The following CUBN variants were observed in gnomAD, a reference collection of about 807,000 sequenced individuals.
The protein encoded by CUBN is 460 kDa receptor.
A neutral mutation model predicts 405.3 loss-of-function variants in CUBN; 282 were observed. The ratio of observed to expected loss-of-function variants is 0.70; its 90% confidence interval spans 0.63 to 0.77. The LOEUF (loss-of-function observed/expected upper bound fraction) is 0.77. Among genes scored for constraint, CUBN ranks in the 30% least tolerant of loss-of-function variants. The pLI, the probability that CUBN is intolerant of heterozygous loss-of-function variation, is 0.00. For missense variants in CUBN, 4,514 were observed against 4,475.2 expected (o/e 1.01, Z -0.25); for synonymous variants, 1,684 against 1,617.0 (o/e 1.04, Z -0.99).
intron 13 of CUBN, 150 bp from the exon 14 acceptor site, chr10:17,100,389 A>G (rs1836469683): frequency 4.7e-6 from 3 of 642,710 alleles, no homozygotes; most frequent in Non-Finnish European, 8.4e-6. Context: ...ATGGCAATCT[A>G]TATACTAAAT....
chr10:16,902,329 A>G (rs1304135430), intron 51 of CUBN, among the ~76,000 whole-genome samples: 1 of 143,890 alleles, frequency 6.9e-6, no homozygotes, highest in Admixed American at 7.2e-5. Context: ...TTGTATATAT[A>G]TATTTTGTAT....
chr10:16,854,369 G>C (rs1220315462), intron 59 of CUBN, among the ~76,000 whole-genome samples: 1 of 152,178 alleles, frequency 6.6e-6, no homozygotes, highest in Admixed American at 6.5e-5. Flanking sequence ...TACAGAGTTT[G>C]GCTGTCAGAC....
chr10:16,857,484 T>C (rs1338366072), intron 59 of CUBN, among the ~76,000 whole-genome samples: 3 of 152,230 alleles, frequency 2.0e-5, no homozygotes, highest in Non-Finnish European at 4.4e-5. Flanking sequence ...TCACTGAAAA[T>C]GCTCTATGCA....
intron 27 of CUBN, among the ~76,000 whole-genome samples, chr10:17,029,730 G>A (rs982839387): frequency 6.6e-6 from 1 of 152,292 alleles, no homozygotes; most frequent in East Asian, 1.9e-4. Context: ...AAGCGTTGGC[G>A]GTGGAGCCAT....
chr10:16,979,861 G>C (rs1480824823), intron 31 of CUBN, among the ~76,000 whole-genome samples: 2 of 152,164 alleles, frequency 1.3e-5, no homozygotes, highest in African/African-American at 4.8e-5. Context: ...TTAAACTAAA[G>C]AGCTTCTTCA....
rs145299968 is a variant in CUBN, at chr10:16,885,269, T to C, written c.8905+3148A>G. 6.1e-3 allele frequency among the ~76,000 whole-genome samples: 930 copies of C among 152,296 alleles called. 3 individuals are homozygous for C. Among genetic ancestry groups the C allele is most frequent in the African/African-American group, 0.021 (873 of 41,562 alleles). On this transcript the variant is annotated intron_variant, in intron 56 of 66. Transcript: ENST00000377833. ...AGCCAGAAATTACTCAGGCAGCAGTTTGAAAATGCTGAACACTTAAACACT... is the reference window on the plus strand; with the variant it reads ...AGCCAGAAATTACTCAGGCAGCAGTCTGAAAATGCTGAACACTTAAACACT...
intron 11 of CUBN, 48 bp downstream of exon 11, chr10:17,105,409 A>C (rs1467573052): frequency 9.4e-7 from 1 of 1,068,746 alleles, no homozygotes; most frequent in Non-Finnish European, 1.5e-6. Context: ...ATAGGCGTGA[A>C]ACTAATTCTC....
intron 13 of CUBN, among the ~76,000 whole-genome samples, chr10:17,100,823 T>C (rs1588642033): frequency 6.6e-6 from 1 of 151,946 alleles, no homozygotes; most frequent in Non-Finnish European, 1.5e-5. Flanking sequence ...CTGGATATAA[T>C]TAAAGGATGA....
chr10:17,093,438 G>C (rs560321298), intron 14 of CUBN, among the ~76,000 whole-genome samples: 11 of 152,186 alleles, frequency 7.2e-5, no homozygotes, highest in African/African-American at 1.2e-4. Context: ...TATGCTACAG[G>C]AGTAAGATTC....
At chr10:16,991,370 T>C (rs1043947396) in intron 28 of CUBN, among the ~76,000 whole-genome samples, 7 of 144,030 alleles carry the variant, frequency 4.9e-5, no homozygotes, top group African/African-American at 1.5e-4. Flanking sequence ...CCAAGGTTAA[T>C]TGATGCTAGG....
Position 17,085,759 on chromosome 10 carries a change from T to C in CUBN, c.1948A>G (p.Ile650Val). The C allele has an allele frequency of 6.2e-7, 1 of 1,613,786 alleles. No individual in the cohort carries two copies. Among genetic ancestry groups the C allele is most frequent in the Non-Finnish European group, 8.5e-7 (1 of 1,179,808 alleles). ...HDDCNKDYLE[I>V]RDGPLYQDPL... ...TCCTGATACAAAGGACCATCTCGAA[T>C]CTAAAACAAAAGGATGAATCATTAA... is the stretch of plus-strand genomic sequence containing the variant. The change falls in exon 16 of 67, where the codon ATT becomes GTT. Residue 650 changes from isoleucine (I) to valine (V), a missense_variant and splice_region_variant. Physicochemically the swap from Ile to Val is conservative, Grantham distance 29. This residue lies in a region of CUBN where 1,448 missense variants were observed against 1,388.0 expected (regional missense o/e 1.04). Transcript: ENST00000377833.
At chr10:16,873,365 T>C (rs375132087) in intron 58 of CUBN, among the ~76,000 whole-genome samples, 46 of 152,300 alleles carry the variant, frequency 3.0e-4, no homozygotes, top group African/African-American at 1.1e-3. Context: ...CTATCTCTCA[T>C]AGCATCAGTT....
intron 48 of CUBN, among the ~76,000 whole-genome samples, chr10:16,908,914 C>A (rs374694364): frequency 3.8e-5 from 5 of 130,324 alleles, no homozygotes; most frequent in Admixed American, 9.4e-5. Flanking sequence ...CTCGCTCTGT[C>A]GCCCAGGCGG....
rs77279132 is a variant in CUBN at position 17,084,238 on chromosome 10, G to A, written c.2301+33C>T. ...GCAGAATATAAAAATGTTGATGAAT[G>A]TCATCTAAGGGCGATTGAGTAGTGA... is the stretch of plus-strand genomic sequence containing the variant. On this transcript the variant is annotated intron_variant, in intron 17 of 66. Transcript: ENST00000377833. The A allele has an allele frequency of 1.6e-3, 2,628 of 1,605,216 alleles. 46 individuals carry two copies. In the African/African-American group the frequency reaches 0.032, roughly 20 times the overall value.
rs1031947490 is a variant in CUBN at position 16,932,623 on chromosome 10, A to G, written c.6124+464T>C. On this transcript the variant is annotated intron_variant, in intron 40 of 66. Coordinates refer to ENST00000377833, the MANE Select transcript of CUBN (RefSeq NM_001081.4). ...ATTATTATTTTAGAGACAGGGTCTC[A>G]TTCTGCTGCCCAGGCTGGTCTGGAA... Among the ~76,000 whole-genome samples the G allele has an allele frequency of 1.1e-4, 17 of 152,322 alleles. 5 individuals are homozygous for G. The highest frequency in any genetic ancestry group is 2.0e-4 in the Admixed American group (3 of 15,292).
chr10:17,123,736 C>G (rs1837100198), intron 4 of CUBN, 47 bp from the exon 5 acceptor site: 1 of 1,306,926 alleles, frequency 7.7e-7, no homozygotes, highest in Non-Finnish European at 1.1e-6. Context: ...CAGTCAGCAG[C>G]AACAAAACGC....
chr10:17,111,961 T>A (rs968368979), intron 8 of CUBN, among the ~76,000 whole-genome samples: 1 of 152,194 alleles, frequency 6.6e-6, no homozygotes, highest in East Asian at 1.9e-4. Flanking sequence ...ATTGGGCTCA[T>A]ACTCCTAATT....
At chr10:16,872,944 C>A (rs80085966) in intron 58 of CUBN, among the ~76,000 whole-genome samples, 9 of 152,254 alleles carry the variant, frequency 5.9e-5, no homozygotes, top group Admixed American at 5.9e-4. Context: ...GCCTATAGAA[C>A]GCCTGATACA....
chr10:17,021,445 T>C (rs1269568344), intron 27 of CUBN, among the ~76,000 whole-genome samples: 3 of 152,220 alleles, frequency 2.0e-5, no homozygotes, highest in Non-Finnish European at 2.9e-5. Flanking sequence ...AAACACTTTG[T>C]TCCAGTTACC....
Sources: allele counts gnomAD v4.1 joint callset (sites outside exome capture counted in the v4.1 genomes callset), GRCh38; gene constraint gnomAD v4.1.1; regional missense constraint gnomAD v4.1.1; transcripts MANE v1.5; gene names NCBI Gene and HGNC (gene_info 2026-07-23, HGNC 2026-07-21).